Variants in PEAK1 observed in about 807,000 individuals in gnomAD.
PEAK1 encodes inactive tyrosine-protein kinase PEAK1.
PEAK1 carries 54 observed loss-of-function variants against 124.7 expected under a neutral mutation model. That is an observed-to-expected ratio of 0.43 (90% CI 0.35 to 0.54). The LOEUF (loss-of-function observed/expected upper bound fraction) is 0.54. PEAK1 is among the 20% of genes least tolerant of loss of function. The pLI, the probability that PEAK1 is intolerant of heterozygous loss-of-function variation, is 0.01. For synonymous variants in PEAK1, 719 were observed against 760.0 expected (o/e 0.95, Z 0.89); for missense variants, 2,046 against 2,134.5 (o/e 0.96, Z 0.82).
At chr15:77,370,874 C>T (rs757373940) in intron 1 of PEAK1, 258 of 495,904 alleles carry the variant, frequency 5.2e-4, no homozygotes, top group Non-Finnish European at 6.4e-4. Flanking sequence ...TACTAAAATA[C>T]AAAAAATTAA....
At chr15:77,156,302 A>T (rs983391223) in intron 8 of PEAK1, 1 of 152,820 alleles carries the variant, frequency 6.5e-6, no homozygotes, top group East Asian at 1.9e-4. Context: ...CCTCTGAGCC[A>T]GTTGCGGGAT....
chr15:77,329,623 A>G (rs1469043883), intron 2 of PEAK1, among the ~76,000 whole-genome samples: 1 of 152,182 alleles, frequency 6.6e-6, no homozygotes, highest in African/African-American at 2.4e-5. Context: ...AATACATACA[A>G]ATGATTTTCA....
At chr15:77,315,546 G>T (rs2064817032) in intron 2 of PEAK1, among the ~76,000 whole-genome samples, 1 of 151,408 alleles carries the variant, frequency 6.6e-6, no homozygotes, top group Non-Finnish European at 1.5e-5. Context: ...TTCCTATTAA[G>T]GTTTTATATA....
In PEAK1 at chr15:77,111,586, T is replaced by C. The variant is rs964616242; in HGVS notation, c.*2570A>G. 5 of 152,286 alleles carry C rather than the reference T, an allele frequency of 3.3e-5. 1 individual carries two copies. In the South Asian group the frequency reaches 1.0e-3, roughly 32 times the overall value. 9.4% of individuals were successfully genotyped at this position (152,286 alleles called of 1,614,324 possible). A position where few individuals can be genotyped will look rare whatever the true frequency, so the allele number is the denominator to read the frequency against. On this transcript the variant is annotated 3_prime_UTR_variant, in exon 10 of 10. Coordinates refer to ENST00000682557, the MANE Select transcript of PEAK1 (RefSeq NM_001385026.1). ...CTTTTGCCCTTAACAAATCTGAATA[T>C]AAAAACAGTACTAAAAACATCTGAT...
At chr15:77,108,046 T>C (rs3743478), downstream of PEAK1, 97,905 of 152,154 alleles carry the variant, frequency 0.64, 32,628 homozygotes, top group Non-Finnish European at 0.75. Context: ...TCATTTCCTG[T>C]GTTATGGACA....
intron 2 of PEAK1, among the ~76,000 whole-genome samples, chr15:77,298,200 T>A (rs1413901085): frequency 4.4e-4 from 2 of 4,532 alleles, no homozygotes; most frequent in Non-Finnish European, 1.5e-3. Flanking sequence ...ATCCTTAATT[T>A]TTTTTTTTTT....
intron 6 of PEAK1, among the ~76,000 whole-genome samples, chr15:77,214,379 G>A (rs2059045810): frequency 6.6e-6 from 1 of 151,836 alleles, no homozygotes; most frequent in African/African-American, 2.4e-5. Flanking sequence ...TACTTTGGGA[G>A]GCTGAGGTGG....
chr15:77,364,214 GA>G (rs1164142714), intron 2 of PEAK1, among the ~76,000 whole-genome samples: 1 of 151,976 alleles, frequency 6.6e-6, no homozygotes, highest in Non-Finnish European at 1.5e-5. Flanking sequence ...AATGAGTGAT[GA>G]AAATATTCCA....
intron 2 of PEAK1, among the ~76,000 whole-genome samples, chr15:77,313,726 G>GTGTGTGTATATATA (rs1462211130): frequency 1.8e-5 from 2 of 108,566 alleles, no homozygotes; most frequent in African/African-American, 6.8e-5. Context: ...GTGTGTGTGT[G>GTGTGTGTATATATA]TATATATATA....
chr15:77,308,179 C>T (rs1440327430), intron 2 of PEAK1, among the ~76,000 whole-genome samples: 1 of 152,006 alleles, frequency 6.6e-6, no homozygotes, highest in East Asian at 1.9e-4. Flanking sequence ...ATCTAATAAG[C>T]AGTTTGAAGT....
intron 2 of PEAK1, among the ~76,000 whole-genome samples, chr15:77,287,016 A>G (rs2062965716): frequency 6.6e-6 from 1 of 152,154 alleles, no homozygotes; most frequent in Non-Finnish European, 1.5e-5. Context: ...GAGTCATGAA[A>G]CCCAGTCATG....
chr15:77,247,313 T>C (rs572268209), intron 6 of PEAK1, among the ~76,000 whole-genome samples: 2 of 152,230 alleles, frequency 1.3e-5, no homozygotes, highest in Non-Finnish European at 2.9e-5. Flanking sequence ...CCATTAAGTG[T>C]TACATCAGCT....
chr15:77,362,039 GGA>G (rs1209284794), intron 2 of PEAK1, among the ~76,000 whole-genome samples: 1 of 152,090 alleles, frequency 6.6e-6, no homozygotes, highest in East Asian at 1.9e-4. Flanking sequence ...GGAGGGACAG[GGA>G]GAGATTTGTT....
At chr15:77,406,002 G>A (rs12913099) in intron 1 of PEAK1, among the ~76,000 whole-genome samples, 10 of 152,086 alleles carry the variant, frequency 6.6e-5, no homozygotes, top group South Asian at 4.1e-4. Flanking sequence ...CACAAGCTGC[G>A]TTTGTATGGG....
intron 2 of PEAK1, chr15:77,345,879 C>T (rs2066845496): frequency 1.0e-6 from 1 of 961,062 alleles, no homozygotes; most frequent in Admixed American, 6.2e-5. Flanking sequence ...AATTACATAT[C>T]AATAAGTAAT....
intron 2 of PEAK1, chr15:77,348,062 C>T (rs1024028858): frequency 2.0e-6 from 2 of 983,480 alleles, no homozygotes; most frequent in African/African-American, 3.5e-5. Context: ...CACTTTTCTA[C>T]AAAAACATTT....
intron 1 of PEAK1, among the ~76,000 whole-genome samples, chr15:77,415,889 G>A (rs1045930186): frequency 1.3e-5 from 2 of 151,976 alleles, no homozygotes; most frequent in African/African-American, 4.8e-5. Context: ...CTCTTTCCAG[G>A]CTCACATTAA....
chr15:77,323,016 G>A (rs1397956624), intron 2 of PEAK1, among the ~76,000 whole-genome samples: 1 of 151,448 alleles, frequency 6.6e-6, no homozygotes, highest in Non-Finnish European at 1.5e-5. Context: ...CATATAAACA[G>A]AACCAAAGAC....
At chr15:77,340,632 T>C (rs1159570441) in intron 2 of PEAK1, among the ~76,000 whole-genome samples, 8 of 152,224 alleles carry the variant, frequency 5.3e-5, no homozygotes, top group Admixed American at 5.2e-4. Context: ...GTGTAAATTA[T>C]AGACTTTACT....
Sources: allele counts gnomAD v4.1 joint callset (sites outside exome capture counted in the v4.1 genomes callset), GRCh38; gene constraint gnomAD v4.1.1; transcripts MANE v1.5; gene names NCBI Gene and HGNC (gene_info 2026-07-23, HGNC 2026-07-21).